Variants in CCDC144A observed in about 807,000 individuals in gnomAD.
CCDC144A encodes the protein coiled-coil domain-containing protein 144A.
Under a neutral mutation model 143.8 loss-of-function variants are expected in CCDC144A, and 41 were observed. That is an observed-to-expected ratio of 0.29 (90% CI 0.22 to 0.37). The LOEUF (loss-of-function observed/expected upper bound fraction) is 0.37, where lower values mean the gene tolerates loss of function less well. CCDC144A is among the 10% of genes least tolerant of loss of function. The probability of loss-of-function intolerance (pLI) is 1.00; values close to 1 mark genes in which losing one functional copy is unlikely to be tolerated. For missense variants in CCDC144A, 637 were observed against 1,488.8 expected (o/e 0.43, Z 9.41); for synonymous variants, 242 against 517.9 (o/e 0.47, Z 7.23).
intron 15 of CCDC144A, among the ~76,000 whole-genome samples, chr17:16,767,519 G>A (rs1915656466): frequency 6.6e-6 from 1 of 150,776 alleles, no homozygotes; most frequent in South Asian, 2.1e-4. Context: ...GTAGGGGGTG[G>A]GGTGGGTTTC....
intron 16 of CCDC144A, among the ~76,000 whole-genome samples, 197 bp downstream of exon 16, chr17:16,772,216 C>G (rs1399256184): frequency 6.6e-6 from 1 of 152,140 alleles, no homozygotes. Flanking sequence ...TCATCACGTT[C>G]CATAGCTTGA....
the CCDC144A span, among the ~76,000 whole-genome samples, chr17:16,681,882 G>A: frequency 5.9e-5 from 9 of 151,600 alleles, no homozygotes. Context: ...AGTGTGTTAT[G>A]ATACGGCTTG....
intron 3 of CCDC144A, chr17:16,705,798 T>G: frequency 4.1e-6 from 1 of 245,984 alleles, no homozygotes; most frequent in Non-Finnish European, 7.9e-6. Flanking sequence ...TGCACTACAA[T>G]TTAAAAGACA....
rs1912246154 is a variant in CCDC144A, at chr17:16,709,270, A to G, written c.1213A>G (p.Asn405Asp). ...HLHENKLDCD[N>D]DNKPGIGHIF... The stretch of plus-strand genomic sequence containing the variant: ...ACATGAAAATAAATTAGACTGCGAC[A>G]ATGATAACAAACCAGGCATTGGACA... Residue 405 changes from asparagine to aspartate, a missense_variant, in exon 5 of 17, where the codon AAT (asparagine) becomes GAT (aspartate). Asn to Asp is a conservative substitution (Grantham distance 23). Transcript: ENST00000399273. 2 of 1,611,750 alleles carry G rather than the reference A, an allele frequency of 1.2e-6. No homozygotes were observed. Among genetic ancestry groups the G allele is most frequent in the African/African-American group, 1.3e-5 (1 of 74,980 alleles).
chr17:16,717,400 A>G (rs2621591), intron 6 of CCDC144A, among the ~76,000 whole-genome samples: 3 of 151,972 alleles, frequency 2.0e-5, no homozygotes, highest in African/African-American at 4.8e-5. Context: ...GTGAGCCACC[A>G]CACCCAGCTG....
the CCDC144A span, among the ~76,000 whole-genome samples, chr17:16,681,555 G>T: frequency 2.0e-5 from 3 of 152,136 alleles, no homozygotes; most frequent in South Asian, 2.1e-4. Flanking sequence ...AATAGCGCAG[G>T]TACTTTAAAA....
intron 12 of CCDC144A, chr17:16,746,537 T>C (rs1914529352): frequency 4.3e-6 from 7 of 1,613,662 alleles, no homozygotes; most frequent in Non-Finnish European, 8.5e-7. Flanking sequence ...AAACTTCTTA[T>C]ATTCTGGATC....
chr17:16,707,514 T>A lies in CCDC144A; in HGVS notation c.710T>A (p.Leu237His). The A allele has an allele frequency of 6.2e-7, 1 of 1,605,984 alleles. No individual in the cohort carries two copies. The highest frequency in any genetic ancestry group is 8.5e-7 in the Non-Finnish European group (1 of 1,177,440). Residue 237 changes from leucine (L) to histidine (H), a missense_variant, in exon 4 of 17, where the codon CTT (leucine) becomes CAT (histidine). By Grantham distance (99) the Leu-to-His change is moderately conservative. Coordinates refer to ENST00000399273, the MANE Select transcript of CCDC144A (RefSeq NM_001382000.1). ...ELTSEEEQER[L>H]KGCENKQPQK... ...ACATCAGAGGAAGAGCAAGAAAGAC[T>A]TAAAGGATGCGAAAATAAGCAGCCA...
At chr17:16,699,374 C>CT (rs199587444) in intron 2 of CCDC144A, among the ~76,000 whole-genome samples, 3 of 149,958 alleles carry the variant, frequency 2.0e-5, no homozygotes, top group East Asian at 3.9e-4. Flanking sequence ...GTTTTTTGGA[C>CT]TTTTTTTGTT....
chr17:16,755,514 A>T (rs1915036756), intron 12 of CCDC144A, among the ~76,000 whole-genome samples: 1 of 152,090 alleles, frequency 6.6e-6, no homozygotes. Context: ...GTGGTGATGC[A>T]TTCCTTCAGG....
chr17:16,681,228 C>G, the CCDC144A span, among the ~76,000 whole-genome samples: 2 of 151,866 alleles, frequency 1.3e-5, no homozygotes, highest in Non-Finnish European at 2.9e-5. Context: ...AAATCCCATG[C>G]CTTTCATTTT....
intron 6 of CCDC144A, among the ~76,000 whole-genome samples, chr17:16,715,323 AAAG>A (rs992432270): frequency 4.4e-5 from 6 of 135,846 alleles, no homozygotes; most frequent in African/African-American, 2.2e-4. Flanking sequence ...AAAAAAAAAA[AAAG>A]AAAGAAAGAA....
chr17:16,678,969 G>T, the CCDC144A span, among the ~76,000 whole-genome samples: 1 of 151,856 alleles, frequency 6.6e-6, no homozygotes, highest in African/African-American at 2.4e-5. Flanking sequence ...GGTCAGGCTG[G>T]TCTCAAACTC....
In CCDC144A at chr17:16,777,657, G is replaced by A. The variant is rs1916045881; in HGVS notation, c.*4024G>A. On this transcript the variant is annotated 3_prime_UTR_variant, in exon 17 of 17. Coordinates refer to ENST00000399273, the MANE Select transcript of CCDC144A (RefSeq NM_001382000.1). Reference sequence around the variant, plus strand: ...CAAGAGGGAAATTTAAAAATTCTTTGAACTGAACGATAATAGTGACACAAC... The same window carrying A: ...CAAGAGGGAAATTTAAAAATTCTTTAAACTGAACGATAATAGTGACACAAC... The A allele has an allele frequency of 7.3e-6, 1 of 136,936 alleles. No homozygotes were observed. The highest frequency in any genetic ancestry group is 1.5e-5 in the Non-Finnish European group (1 of 66,020). 8.5% of individuals were successfully genotyped at this position (136,936 alleles called of 1,614,324 possible).
chr17:16,711,154 A>AAAAAAAAAAAAAAAAAAAAAC (rs1261984842), intron 5 of CCDC144A, among the ~76,000 whole-genome samples: 1 of 142,466 alleles, frequency 7.0e-6, no homozygotes, highest in African/African-American at 2.6e-5. Context: ...AAAAAAAAAA[A>AAAAAAAAAAAAAAAAAAAAAC]AAAACAAAAG....
intron 12 of CCDC144A, among the ~76,000 whole-genome samples, chr17:16,756,819 G>A (rs1915109519): frequency 6.6e-6 from 1 of 151,990 alleles, no homozygotes. Flanking sequence ...TGAATATGGT[G>A]CTCTGGCATT....
intron 15 of CCDC144A, chr17:16,765,976 T>C (rs2143391851): frequency 6.6e-6 from 1 of 152,390 alleles, no homozygotes; most frequent in African/African-American, 2.4e-5. Flanking sequence ...TTTGCCGAGG[T>C]TGAGGACACA....
intron 6 of CCDC144A, among the ~76,000 whole-genome samples, chr17:16,716,571 T>G (rs1472967756): frequency 1.3e-5 from 2 of 152,212 alleles, no homozygotes; most frequent in Non-Finnish European, 2.9e-5. Context: ...AATCAGAATA[T>G]TGCTATTTTT....
intron 1 of CCDC144A, among the ~76,000 whole-genome samples, chr17:16,692,222 C>T (rs1308099387): frequency 6.6e-6 from 1 of 151,030 alleles, no homozygotes; most frequent in Non-Finnish European, 1.5e-5. Context: ...TCTGCCGATT[C>T]AGAGTTTGAG....
Sources: gnomAD v4.1 joint callset for allele counts (sites outside exome capture counted in the v4.1 genomes callset) on GRCh38, gnomAD v4.1.1 for gene constraint, MANE v1.5 for transcripts, NCBI Gene and HGNC (gene_info 2026-07-23, HGNC 2026-07-21) for gene names.